The following HS1BP3 variants were observed in gnomAD, a reference collection of about 807,000 sequenced individuals.
The protein encoded by HS1BP3 is HCLS1-binding protein 3.
Under a neutral mutation model 33.5 loss-of-function variants are expected in HS1BP3, and 32 were observed. The observed-to-expected ratio is 0.95, with a 90% CI of 0.72 to 1.28. The LOEUF is 1.28. HS1BP3 is among the 50% of genes most tolerant of loss of function. The probability of loss-of-function intolerance (pLI) is 0.00; values close to 1 mark genes in which losing one functional copy is unlikely to be tolerated. For synonymous variants in HS1BP3, 187 were observed against 209.2 expected, an observed-to-expected ratio of 0.89 and a Z score of 0.92; for missense variants, 486 against 502.3, an observed-to-expected ratio of 0.97 and a Z score of 0.31.
intron 5 of HS1BP3, chr2:20,586,212 C>T (rs1156873233): frequency 6.6e-6 from 1 of 152,242 alleles, no homozygotes; most frequent in Non-Finnish European, 1.5e-5. Context: ...GTTCTCAAAA[C>T]GTCTTCACAA....
intron 5 of HS1BP3, among the ~76,000 whole-genome samples, chr2:20,583,797 C>A (rs904994532): frequency 6.6e-6 from 1 of 152,182 alleles, no homozygotes; most frequent in African/African-American, 2.4e-5. Context: ...CTCGGTCCTG[C>A]CAGTGCTCAG....
At chr2:20,620,228 G>C (rs1013478102) in intron 6 of HS1BP3, among the ~76,000 whole-genome samples, 36 of 152,366 alleles carry the variant, frequency 2.4e-4, no homozygotes, top group Admixed American at 2.2e-3. Context: ...AACACTGTGT[G>C]GTCGCAGAGA....
At chr2:20,615,941 G>A (rs888382653), downstream of HS1BP3, among the ~76,000 whole-genome samples, 1 of 152,196 alleles carries the variant, frequency 6.6e-6, no homozygotes, top group South Asian at 2.1e-4. Context: ...CTCTCCAGGG[G>A]GGCCCATGAC....
intron 5 of HS1BP3, among the ~76,000 whole-genome samples, chr2:20,581,408 G>A (rs1693529720): frequency 2.0e-5 from 3 of 152,222 alleles, no homozygotes; most frequent in African/African-American, 2.4e-5. Flanking sequence ...GGAGTGCAGT[G>A]GTGTGATCTT....
chr2:20,601,365 T>A (rs549702379), intron 2 of HS1BP3, among the ~76,000 whole-genome samples: 9 of 152,318 alleles, frequency 5.9e-5, no homozygotes, highest in South Asian at 4.1e-4. Flanking sequence ...TAATCTGCCG[T>A]CATCTTGGAA....
intron 5 of HS1BP3, among the ~76,000 whole-genome samples, chr2:20,564,236 C>A (rs761868643): frequency 6.6e-6 from 1 of 152,196 alleles, no homozygotes; most frequent in Non-Finnish European, 1.5e-5. Context: ...CCAGCTTGGG[C>A]TCCCATCATG....
chr2:20,630,523 C>G (rs965366315), intron 4 of HS1BP3, among the ~76,000 whole-genome samples: 1 of 152,244 alleles, frequency 6.6e-6, no homozygotes, highest in Non-Finnish European at 1.5e-5. Flanking sequence ...CCCGCCTTGA[C>G]CTCTCAAAGT....
At chr2:20,553,935 C>T in the HS1BP3 span, among the ~76,000 whole-genome samples, 9 of 152,174 alleles carry the variant, frequency 5.9e-5, no homozygotes, top group Admixed American at 5.9e-4. Flanking sequence ...CTGGTGGAAG[C>T]CATGAGATTC....
At position 20,650,374 on chromosome 2, in the gene HS1BP3, G is replaced by T. The variant is rs558625522; in HGVS notation, c.32+658C>A. The stretch of plus-strand genomic sequence containing the variant: ...CTTGCCAGGATCCACCTTGGGCTGG[G>T]TCCTCCAGGTCTCGATCAGGGCCGA... On this transcript the variant is annotated intron_variant, in intron 1 of 6. Coordinates refer to ENST00000304031, the MANE Select transcript of HS1BP3 (RefSeq NM_022460.4). Among the ~76,000 whole-genome samples the T allele has an allele frequency of 7.2e-5, 11 of 152,342 alleles. No individual in the cohort carries two copies. In the South Asian group the frequency reaches 1.9e-3, roughly 26 times the overall value.
chr2:20,594,618 G>T (rs768795670), intron 3 of HS1BP3, among the ~76,000 whole-genome samples: 1 of 152,202 alleles, frequency 6.6e-6, no homozygotes, highest in Admixed American at 6.5e-5. Context: ...GCCTCTAGCT[G>T]GGCCTAGCCA....
In HS1BP3 at chr2:20,571,035, G is replaced by A. The variant is rs138851880; in HGVS notation, c.303-10520C>T. 2.7e-3 allele frequency among the ~76,000 whole-genome samples: 411 copies of A among 152,338 alleles called. 3 individuals carry two copies. The highest frequency in any genetic ancestry group is 9.5e-3 in the African/African-American group (397 of 41,574). ...GAAGAGGAAGACCTATGACAGGGCAGTGAGGACACTGGGGAGGGTCCGGCT... is the reference window on the plus strand; with the variant it reads ...GAAGAGGAAGACCTATGACAGGGCAATGAGGACACTGGGGAGGGTCCGGCT... On this transcript the variant is annotated intron_variant, in intron 5 of 5. Coordinates refer to the HS1BP3 transcript ENST00000446825.
chr2:20,627,727 C>T (rs1194830738), intron 4 of HS1BP3, among the ~76,000 whole-genome samples: 1 of 152,020 alleles, frequency 6.6e-6, no homozygotes, highest in Non-Finnish European at 1.5e-5. Flanking sequence ...TTCTCTACCT[C>T]CCCAACTCTC....
intron 5 of HS1BP3, among the ~76,000 whole-genome samples, chr2:20,564,941 C>T (rs770795918): frequency 2.0e-4 from 31 of 152,218 alleles, no homozygotes; most frequent in Non-Finnish European, 4.1e-4. Flanking sequence ...TTGGTCACTT[C>T]CTCCTGCATG....
intron 6 of HS1BP3, chr2:20,622,099 GA>G: frequency 1.1e-6 from 1 of 920,260 alleles, no homozygotes; most frequent in African/African-American, 2.0e-5. Context: ...TCTTAGCCTC[GA>G]CCCGCTCAGT....
chr2:20,556,586 A>G (rs551699346), downstream of HS1BP3, among the ~76,000 whole-genome samples: 3 of 152,290 alleles, frequency 2.0e-5, no homozygotes, highest in East Asian at 3.9e-4. Context: ...TTATAGTACT[A>G]TGATTACAAA....
At chr2:20,606,705 G>C (rs1435726777) in intron 2 of HS1BP3, 5 of 267,268 alleles carry the variant, frequency 1.9e-5, no homozygotes, top group Non-Finnish European at 3.7e-5. Context: ...TAAGATGTCA[G>C]ACAAAAAGAC....
chr2:20,631,086 A>G (rs1427576008), intron 4 of HS1BP3, among the ~76,000 whole-genome samples: 1 of 152,184 alleles, frequency 6.6e-6, no homozygotes, highest in Non-Finnish European at 1.5e-5. Flanking sequence ...AATGCTTCGC[A>G]AGCTGCCAAG....
At chr2:20,615,371 C>A (rs78680066), downstream of HS1BP3, among the ~76,000 whole-genome samples, 2,459 of 152,340 alleles carry the variant, frequency 0.016, 61 homozygotes, top group African/African-American at 0.052. Context: ...CCTCCACCGG[C>A]CCCTGGATCT....
At chr2:20,564,114 C>A (rs961762165) in intron 5 of HS1BP3, among the ~76,000 whole-genome samples, 1 of 152,228 alleles carries the variant, frequency 6.6e-6, no homozygotes, top group Non-Finnish European at 1.5e-5. Flanking sequence ...CCTCTGGAGG[C>A]TCCTCGAAGG....
Sources: allele counts gnomAD v4.1 joint callset (sites outside exome capture counted in the v4.1 genomes callset), GRCh38; gene constraint gnomAD v4.1.1; transcripts MANE v1.5; gene names NCBI Gene and HGNC (gene_info 2026-07-23, HGNC 2026-07-21).